NHSL1: variants seen among roughly 807,000 people sequenced by gnomAD.
The protein encoded by NHSL1 is NHS-like protein 1.
Under a neutral mutation model 95.0 loss-of-function variants are expected in NHSL1, and 48 were observed. The observed-to-expected ratio is 0.51, with a 90% CI of 0.40 to 0.64. The LOEUF is 0.64. Among genes scored for constraint, NHSL1 ranks in the 30% least tolerant of loss-of-function variants. The pLI is 0.00. For missense variants in NHSL1, 1,971 were observed against 2,077.7 expected (o/e 0.95, Z 1.00); for synonymous variants, 783 against 833.9 (o/e 0.94, Z 1.05).
At chr6:138,561,390 G>A (rs868838395) in intron 1 of NHSL1, among the ~76,000 whole-genome samples, 2 of 152,042 alleles carry the variant, frequency 1.3e-5, no homozygotes, top group Non-Finnish European at 2.9e-5. Context: ...CTTCCCTCCA[G>A]GTTACTGCCA....
intron 1 of NHSL1, among the ~76,000 whole-genome samples, chr6:138,525,910 A>C (rs953490986): frequency 1.3e-5 from 2 of 151,850 alleles, no homozygotes; most frequent in Non-Finnish European, 2.9e-5. Flanking sequence ...CAGCCTGGCC[A>C]ACATGGTGAA....
chr6:138,478,930 AAAT>A (rs1583267926), intron 2 of NHSL1, among the ~76,000 whole-genome samples: 1 of 152,210 alleles, frequency 6.6e-6, no homozygotes, highest in Non-Finnish European at 1.5e-5. Context: ...CAGAAGAAAA[AAAT>A]AATGTCATAG....
intron 1 of NHSL1, among the ~76,000 whole-genome samples, chr6:138,521,831 T>C (rs913799185): frequency 2.0e-5 from 3 of 152,086 alleles, no homozygotes; most frequent in Non-Finnish European, 4.4e-5. Flanking sequence ...CGGGAGATTT[T>C]AAAAACTTTA....
intron 1 of NHSL1, among the ~76,000 whole-genome samples, chr6:138,659,723 T>G (rs1211400295): frequency 2.4e-4 from 14 of 57,524 alleles, no homozygotes; most frequent in East Asian, 1.5e-3. Flanking sequence ...TTTTTTTTGT[T>G]TTTTTTTTTT....
intron 1 of NHSL1, among the ~76,000 whole-genome samples, chr6:138,679,814 G>T: frequency 6.6e-6 from 1 of 152,058 alleles, no homozygotes; most frequent in East Asian, 1.9e-4. Context: ...CATGATATAA[G>T]CTACACTTTC....
intron 1 of NHSL1, among the ~76,000 whole-genome samples, chr6:138,611,940 T>A (rs1784518836): frequency 1.3e-5 from 2 of 151,254 alleles, no homozygotes; most frequent in South Asian, 4.2e-4. Flanking sequence ...TGAAACTCCA[T>A]CTCTACTAAA....
intron 3 of NHSL1, among the ~76,000 whole-genome samples, chr6:138,466,268 C>T (rs545334719): frequency 7.8e-4 from 118 of 150,874 alleles, no homozygotes; most frequent in South Asian, 1.9e-3. Flanking sequence ...ATCTCAATCT[C>T]CTGACCTTGT....
upstream of NHSL1, among the ~76,000 whole-genome samples, chr6:138,548,826 G>C (rs1325924044): frequency 6.6e-6 from 1 of 152,124 alleles, no homozygotes; most frequent in Non-Finnish European, 1.5e-5. Context: ...AGTGTGGTAA[G>C]TCACATAACA....
chr6:138,686,445 A>C lies in NHSL1; in HGVS notation c.96+6031T>G, dbSNP rs116699948. 8.3e-3 allele frequency among the ~76,000 whole-genome samples: 1,258 copies of C among 152,266 alleles called. 17 individuals carry two copies. Among genetic ancestry groups the C allele is most frequent in the African/African-American group, 0.029 (1,216 of 41,556 alleles). On this transcript the variant is annotated intron_variant, in intron 1 of 3. Coordinates refer to the NHSL1 transcript ENST00000491526. Reference sequence around the variant, plus strand: ...CTGAGGTGGGAGGATCATTTGAGCCATTGAACTCCAGCCTGGGCAACAGCC... The same window carrying C: ...CTGAGGTGGGAGGATCATTTGAGCCCTTGAACTCCAGCCTGGGCAACAGCC...
intron 1 of NHSL1, among the ~76,000 whole-genome samples, chr6:138,690,461 C>T (rs1033774899): frequency 1.3e-5 from 2 of 151,798 alleles, no homozygotes; most frequent in African/African-American, 4.8e-5. Flanking sequence ...AAAAATGGGG[C>T]CACGTGTGGT....
chr6:138,519,065 CATA>C (rs1313742536), intron 1 of NHSL1, among the ~76,000 whole-genome samples: 6 of 151,670 alleles, frequency 4.0e-5, no homozygotes, highest in Non-Finnish European at 8.8e-5. Flanking sequence ...TACATACATA[CATA>C]ATAAAATGCC....
chr6:138,686,035 T>C (rs188367353), intron 1 of NHSL1, among the ~76,000 whole-genome samples: 39 of 152,132 alleles, frequency 2.6e-4, no homozygotes, highest in Admixed American at 9.8e-4. Flanking sequence ...AGGAAGAAGG[T>C]ATTGGAGAGA....
chr6:138,538,678 G>A (rs1782459864), intron 1 of NHSL1, among the ~76,000 whole-genome samples: 1 of 152,178 alleles, frequency 6.6e-6, no homozygotes, highest in Non-Finnish European at 1.5e-5. Flanking sequence ...ACAAAATAAT[G>A]AAGAACATAG....
At chr6:138,670,686 A>C (rs1760614514) in intron 1 of NHSL1, among the ~76,000 whole-genome samples, 1 of 148,770 alleles carries the variant, frequency 6.7e-6, no homozygotes, top group Admixed American at 6.7e-5. Flanking sequence ...AAAAAAAAAA[A>C]CTTTAAAAAC....
intron 1 of NHSL1, among the ~76,000 whole-genome samples, chr6:138,616,545 A>AGAGC (rs1369262007): frequency 3.9e-5 from 6 of 152,052 alleles, no homozygotes; most frequent in African/African-American, 1.4e-4. Context: ...AGAGAGAGAG[A>AGAGC]GAGCAAGTGA....
upstream of NHSL1, among the ~76,000 whole-genome samples, chr6:138,575,099 A>G (rs563391214): frequency 1.4e-4 from 22 of 152,192 alleles, no homozygotes; most frequent in African/African-American, 5.3e-4. Flanking sequence ...GGGTTTCTCC[A>G]TGTTGGTCAG....
intron 1 of NHSL1, among the ~76,000 whole-genome samples, chr6:138,521,860 A>G (rs909661261): frequency 1.3e-5 from 2 of 152,206 alleles, no homozygotes; most frequent in Non-Finnish European, 2.9e-5. Context: ...CTATAAAAAG[A>G]TACTTAAAGC....
In NHSL1 at chr6:138,425,555, C is replaced by CTG. The variant is rs146912429; in HGVS notation, c.4086-740_4086-739insCA. Among the ~76,000 whole-genome samples, 1,113 of 152,302 alleles carry CTG rather than the reference C, an allele frequency of 7.3e-3. 14 individuals are homozygous for CTG. Among genetic ancestry groups the CTG allele is most frequent in the Admixed American group, 0.021 (321 of 15,292 alleles). On this transcript the variant is annotated intron_variant, in intron 7 of 7. Coordinates refer to ENST00000343505, the MANE Select transcript of NHSL1 (RefSeq NM_001144060.2). ...CCCTATTTGAAACAAATCTTAGACACTATTAACTTACTTTGGACAGGACCA... is the reference window on the plus strand; with the variant it reads ...CCCTATTTGAAACAAATCTTAGACACTGTATTAACTTACTTTGGACAGGACCA...
intron 1 of NHSL1, among the ~76,000 whole-genome samples, chr6:138,507,557 T>G (rs778722737): frequency 2.0e-5 from 3 of 152,212 alleles, no homozygotes; most frequent in Non-Finnish European, 4.4e-5. Flanking sequence ...CTTACACTTA[T>G]GCTCTCAATT....
Sources: allele counts gnomAD v4.1 joint callset (sites outside exome capture counted in the v4.1 genomes callset), GRCh38; gene constraint gnomAD v4.1.1; transcripts MANE v1.5; gene names NCBI Gene and HGNC (gene_info 2026-07-23, HGNC 2026-07-21).